The following CSMD1 variants were observed in gnomAD, a reference collection of about 807,000 sequenced individuals.
CSMD1 encodes CUB and sushi domain-containing protein 1.
CSMD1 carries 213 observed loss-of-function variants against 417.5 expected under a neutral mutation model. That is an observed-to-expected ratio of 0.51 (90% CI 0.46 to 0.57). The LOEUF (loss-of-function observed/expected upper bound fraction) is 0.57. Ranked by LOEUF, CSMD1 falls within the 20% of genes least tolerant of loss-of-function variation. The pLI is 0.00. For missense variants in CSMD1, 6,923 were observed against 4,529.7 expected, an observed-to-expected ratio of 1.53 and a Z score of -15.17; for synonymous variants, 2,862 against 1,736.8, an observed-to-expected ratio of 1.65 and a Z score of -16.11.
At chr8:4,069,746 C>G (rs1216631555) in intron 3 of CSMD1, among the ~76,000 whole-genome samples, 3 of 152,146 alleles carry the variant, frequency 2.0e-5, no homozygotes, top group African/African-American at 4.8e-5. Context: ...TTTAGGAATG[C>G]TGTCTACTTC....
intron 8 of CSMD1, among the ~76,000 whole-genome samples, chr8:3,593,342 T>C (rs1031822421): frequency 3.3e-5 from 5 of 152,186 alleles, no homozygotes; most frequent in Middle Eastern, 3.2e-3. Flanking sequence ...TGGTGCTTCA[T>C]AGAGTCTGGA....
chr8:3,610,231 T>C (rs942352421), intron 8 of CSMD1, among the ~76,000 whole-genome samples: 6 of 152,112 alleles, frequency 3.9e-5, no homozygotes, highest in Admixed American at 1.3e-4. Context: ...ACATAAATAG[T>C]AGATATAAAC....
At chr8:3,520,012 G>GTGTATACATATATATATATATATATATA (rs1225105460) in intron 10 of CSMD1, among the ~76,000 whole-genome samples, 58 of 120,098 alleles carry the variant, frequency 4.8e-4, no homozygotes, top group Middle Eastern at 8.8e-3. Context: ...GTGTGTGTGT[G>GTGTATACATATATATATATATATATATA]TATATACCTA....
At chr8:3,973,515 G>C (rs755965269) in intron 5 of CSMD1, among the ~76,000 whole-genome samples, 2 of 151,904 alleles carry the variant, frequency 1.3e-5, no homozygotes, top group African/African-American at 4.8e-5. Flanking sequence ...AAATCATTCT[G>C]GTATAAGAAC....
chr8:3,569,194 A>G (rs1164345258), intron 10 of CSMD1, among the ~76,000 whole-genome samples: 2 of 152,230 alleles, frequency 1.3e-5, no homozygotes, highest in African/African-American at 4.8e-5. Flanking sequence ...CTTCCTGAAT[A>G]GAAAATGCTA....
chr8:4,060,430 G>A (rs915899171), intron 3 of CSMD1, among the ~76,000 whole-genome samples: 3 of 152,144 alleles, frequency 2.0e-5, no homozygotes, highest in African/African-American at 7.2e-5. Flanking sequence ...CATAGTGTTG[G>A]AAGTTCTGGC....
rs117340879 is a variant in CSMD1 at position 4,398,293 on chromosome 8, G to A, written c.415+21660C>T. On this transcript the variant is annotated intron_variant, in intron 3 of 69. Coordinates refer to ENST00000635120, the MANE Select transcript of CSMD1 (RefSeq NM_033225.6). ...TATTTCTACTTCGGGGTGGACAATC[G>A]TCTCTACTCTTAGTATGAGTTTTAA... is the stretch of plus-strand genomic sequence containing the variant. Among the ~76,000 whole-genome samples the A allele has an allele frequency of 2.6e-4, 39 of 151,848 alleles. No individual in the cohort carries two copies. The East Asian group carries it at 6.4e-3, about 25-fold the overall frequency.
intron 3 of CSMD1, among the ~76,000 whole-genome samples, chr8:4,229,382 G>C (rs1446990028): frequency 1.3e-5 from 2 of 152,148 alleles, no homozygotes; most frequent in African/African-American, 2.4e-5. Flanking sequence ...GCAGCCCTAA[G>C]ATTCTCTTAG....
At chr8:4,331,760 T>C (rs1376543086) in intron 3 of CSMD1, among the ~76,000 whole-genome samples, 1 of 152,188 alleles carries the variant, frequency 6.6e-6, no homozygotes. Flanking sequence ...TCGGTCCATG[T>C]GCCAAGTCTT....
At chr8:4,829,009 T>G (rs887609878) in intron 1 of CSMD1, among the ~76,000 whole-genome samples, 2 of 152,184 alleles carry the variant, frequency 1.3e-5, no homozygotes, top group Non-Finnish European at 2.9e-5. Flanking sequence ...CACTAATTAT[T>G]ATTATTAGAG....
intron 12 of CSMD1, among the ~76,000 whole-genome samples, chr8:3,448,993 A>G (rs982833138): frequency 6.6e-6 from 1 of 152,222 alleles, no homozygotes; most frequent in Non-Finnish European, 1.5e-5. Flanking sequence ...AATCACATAT[A>G]AACAGAAATC....
At chr8:4,213,064 G>A (rs967316948) in intron 3 of CSMD1, among the ~76,000 whole-genome samples, 2 of 152,182 alleles carry the variant, frequency 1.3e-5, no homozygotes, top group Admixed American at 6.5e-5. Context: ...AGGTCACTTT[G>A]AGCTAATGTC....
At chr8:4,744,492 G>A (rs767891143) in intron 1 of CSMD1, among the ~76,000 whole-genome samples, 3 of 152,136 alleles carry the variant, frequency 2.0e-5, no homozygotes, top group Non-Finnish European at 4.4e-5. Flanking sequence ...TATTTATTTA[G>A]CATAGGTTTT....
chr8:4,148,206 T>A, intron 3 of CSMD1, among the ~76,000 whole-genome samples: 1 of 151,876 alleles, frequency 6.6e-6, no homozygotes, highest in East Asian at 1.9e-4. Flanking sequence ...CTGTAAGTTA[T>A]AAGTTGCTAT....
At chr8:4,787,715 A>T in intron 1 of CSMD1, 1 of 1,591,600 alleles carries the variant, frequency 6.3e-7, no homozygotes, top group South Asian at 1.1e-5. Flanking sequence ...GATGCTGCCA[A>T]TAATGACCCA....
chr8:4,788,349 G>T (rs1412211228), intron 1 of CSMD1: 2 of 1,506,006 alleles, frequency 1.3e-6, no homozygotes, highest in African/African-American at 2.8e-5. Flanking sequence ...TGCATATCCA[G>T]TTATCACCTG....
At chr8:3,797,126 G>C (rs930654624) in intron 5 of CSMD1, among the ~76,000 whole-genome samples, 5 of 151,860 alleles carry the variant, frequency 3.3e-5, no homozygotes, top group Non-Finnish European at 7.4e-5. Context: ...AAATAATGAA[G>C]TATACTAATA....
At chr8:3,794,382 T>C (rs1363918321) in intron 5 of CSMD1, among the ~76,000 whole-genome samples, 3 of 152,180 alleles carry the variant, frequency 2.0e-5, no homozygotes, top group African/African-American at 7.2e-5. Context: ...TCATGAAGTT[T>C]CATCCATGTA....
At chr8:3,934,784 T>A (rs1810373373) in intron 5 of CSMD1, among the ~76,000 whole-genome samples, 1 of 152,118 alleles carries the variant, frequency 6.6e-6, no homozygotes, top group South Asian at 2.1e-4. Flanking sequence ...GAAGCAGAGG[T>A]TACAGTGAGC....
Sources: allele counts gnomAD v4.1 joint callset (sites outside exome capture counted in the v4.1 genomes callset), GRCh38; gene constraint gnomAD v4.1.1; transcripts MANE v1.5; gene names NCBI Gene and HGNC (gene_info 2026-07-23, HGNC 2026-07-21).